Variants in ARSL observed in about 807,000 individuals in gnomAD.
The protein encoded by ARSL is arylsulfatase L.
A neutral mutation model predicts 31.1 loss-of-function variants in ARSL; 4 were observed. The observed-to-expected ratio is 0.13, with a 90% CI of 0.06 to 0.29. The LOEUF (loss-of-function observed/expected upper bound fraction) is 0.29, where lower values mean the gene tolerates loss of function less well. ARSL is among the 10% of genes least tolerant of loss of function. ARSL has a pLI of 1.00. For synonymous variants in ARSL, 198 were observed against 209.9 expected (o/e 0.94, Z 0.49); for missense variants, 312 against 497.8 (o/e 0.63, Z 3.55).
Position 2,943,169 on chromosome X carries a change from C to A in ARSL, c.1022G>T (p.Gly341Val), listed in dbSNP as rs2089304436. 8.3e-7 allele frequency: 1 copy of A among 1,211,033 alleles called. No individual in the cohort carries two copies. Among genetic ancestry groups the A allele is most frequent in the Middle Eastern group, 2.5e-4 (1 of 4,040 alleles). Residue 341 changes from glycine to valine, a missense_variant, in exon 8 of 11, where the codon GGT becomes GTT. By Grantham distance (109) the Gly-to-Val change is moderately radical. Coordinates refer to ENST00000381134, the MANE Select transcript of ARSL (RefSeq NM_000047.3). ...GRILDTLDVE[G>V]LSNSTLIYFT... ...ATAAATGAGGGTGCTGTTGCTCAAACCCTCCACGTCCAAAGTGTCAAGGAT... is the reference window on the plus strand; with the variant it reads ...ATAAATGAGGGTGCTGTTGCTCAAAACCTCCACGTCCAAAGTGTCAAGGAT...
intron 1 of ARSL, 53 bp downstream of exon 1, chrX:2,964,171 A>G: frequency 1.3e-6 from 1 of 753,764 alleles, no homozygotes; most frequent in Non-Finnish European, 1.6e-6. Context: ...CACGCTATTC[A>G]TGCCTGGTCA....
At chrX:2,943,444 A>C (rs2089309797) in intron 7 of ARSL, among the ~76,000 whole-genome samples, 1 of 111,040 alleles carries the variant, frequency 9.0e-6, no homozygotes, top group African/African-American at 3.3e-5. Flanking sequence ...TCAAAAACTT[A>C]AAAGTGCAGC....
In ARSL at chrX:2,949,406, G is replaced by A. The variant is rs368737099; in HGVS notation, c.752C>T (p.Ala251Val). ...SYFVGALIVHADCFLMRNHTI... is the reference protein window; with the variant it reads ...SYFVGALIVHVDCFLMRNHTI... ...GTGGTTTCTCATCAGAAAGCAATCG[G>A]CATGGACAATCAGAGCACCCACAAA... The change falls in exon 6 of 11, where the codon GCC becomes GTC. Residue 251 changes from alanine (A) to valine (V), a missense_variant. By Grantham distance (64) the Ala-to-Val change is moderately conservative (BLOSUM62 0). Coordinates refer to ENST00000381134, the MANE Select transcript of ARSL (RefSeq NM_000047.3). The A allele has an allele frequency of 1.1e-5, 13 of 1,209,009 alleles. No homozygotes were observed. In the African/African-American group the frequency reaches 2.3e-4, roughly 21 times the overall value.
intron 5 of ARSL, among the ~76,000 whole-genome samples, chrX:2,950,200 C>T (rs972489337): frequency 3.6e-5 from 4 of 111,296 alleles, no homozygotes; most frequent in Admixed American, 9.6e-5. Context: ...TGTGTGTCTG[C>T]GACCTAATCT....
chrX:2,958,654 G>C (rs771957001), intron 2 of ARSL, among the ~76,000 whole-genome samples: 18 of 111,582 alleles, frequency 1.6e-4, no homozygotes, highest in Non-Finnish European at 3.0e-4. Context: ...TTTTTTTGAT[G>C]CTGTAAAGTC....
At chrX:2,961,418 T>C (rs1359243941) in intron 1 of ARSL, among the ~76,000 whole-genome samples, 1 of 111,634 alleles carries the variant, frequency 9.0e-6, no homozygotes, top group Non-Finnish European at 1.9e-5. Flanking sequence ...CCCAAATTCC[T>C]ATCTAAGGGG....
intron 8 of ARSL, among the ~76,000 whole-genome samples, chrX:2,941,975 A>C (rs1224532758): frequency 1.8e-5 from 2 of 112,713 alleles, no homozygotes; most frequent in Admixed American, 1.9e-4. Context: ...GCCACGTCTC[A>C]CTAACACAGG....
upstream of ARSL, chrX:2,968,137 A>G: frequency 8.7e-7 from 1 of 1,155,335 alleles, no homozygotes; most frequent in Non-Finnish European, 1.1e-6. Context: ...AAGCCCCAGG[A>G]AGGCCAGTTA....
At position 2,949,621 on chromosome X, in the gene ARSL, A is replaced by C. The variant is rs1454181239; in HGVS notation, c.537T>G (p.Gly179=). The C allele has an allele frequency of 9.1e-6, 11 of 1,211,441 alleles. No individual in the cohort carries two copies. Among genetic ancestry groups the C allele is most frequent in the Non-Finnish European group, 1.2e-5 (11 of 895,492 alleles). ...CTGAGAGTTCCCAGCGGGCGCAATC[A>C]CCCATCAAGGAGAAAGGCATTCCGT... is the stretch of plus-strand genomic sequence containing the variant. ...HFYGMPFSLM[G]DCARWELSEK... is the part of the protein sequence containing the mutation. The change falls in exon 6 of 11, where the codon GGT becomes GGG. Residue 179 remains glycine, a synonymous_variant. Coordinates refer to ENST00000381134, the MANE Select transcript of ARSL (RefSeq NM_000047.3).
intron 1 of ARSL, among the ~76,000 whole-genome samples, chrX:2,961,348 G>A (rs1482001932): frequency 9.0e-6 from 1 of 111,128 alleles, no homozygotes; most frequent in Non-Finnish European, 1.9e-5. Context: ...GCAGTGGTCT[G>A]ACCCCATGTG....
chrX:2,959,967 G>GAGAA (rs767585848), intron 2 of ARSL: 2 of 206,253 alleles, frequency 9.7e-6, no homozygotes, highest in South Asian at 2.2e-4. Flanking sequence ...AAGAAAGAAA[G>GAGAA]AGAAAGAAAG....
rs142375403 is a variant in ARSL, at chrX:2,934,908, A to C, written c.1694T>G (p.Ile565Ser). 1.8e-3 allele frequency: 2,208 copies of C among 1,202,578 alleles called. 3 individuals carry two copies. Among genetic ancestry groups the C allele is most frequent in the South Asian group, 3.4e-3 (190 of 55,917 alleles). Reference protein sequence around the residue: ...VPLQLDRLGNIWRPWLQPCCG... With the variant: ...VPLQLDRLGNSWRPWLQPCCG... ...GCAGGGCTGCAGCCACGGTCTCCAG[A>C]TGTTGCCCAGCCTGTCCAGCTGCAG... Residue 565 changes from isoleucine to serine, a missense_variant, in exon 11 of 11, where the codon ATC (isoleucine) becomes AGC (serine). Transcript: ENST00000381134.
chrX:2,958,259 T>G lies in ARSL; in HGVS notation c.185+15A>C. On this transcript the variant is annotated intron_variant, in intron 3 of 10. Transcript: ENST00000381134. ...TGCATTGGGGGCACCAGGTGAGTAA[T>G]TCTCTGTCCCTTGCCTCATGGTGTT... is the stretch of plus-strand genomic sequence containing the variant. 2 of 1,211,142 alleles carry G rather than the reference T, an allele frequency of 1.7e-6. No individual in the cohort carries two copies. The highest frequency in any genetic ancestry group is 2.2e-6 in the Non-Finnish European group (2 of 895,167).
intron 9 of ARSL, 97 bp downstream of exon 9, chrX:2,937,998 G>A: frequency 3.5e-6 from 4 of 1,144,957 alleles, no homozygotes; most frequent in Non-Finnish European, 4.8e-6. Flanking sequence ...AACAATTTCA[G>A]GGACGCCTTA....
chrX:2,940,051 A>G (rs1404208588), intron 8 of ARSL, among the ~76,000 whole-genome samples: 1 of 108,552 alleles, frequency 9.2e-6, no homozygotes, highest in Non-Finnish European at 1.9e-5. Context: ...TATTTTTAGT[A>G]GAGATGAGGT....
At chrX:2,937,428 G>C (rs1456948357) in intron 9 of ARSL, among the ~76,000 whole-genome samples, 1 of 110,185 alleles carries the variant, frequency 9.1e-6, no homozygotes, top group Non-Finnish European at 1.9e-5. Context: ...AGCTGAAAGA[G>C]CCAGCACCCA....
At chrX:2,960,086 G>A (rs1168797966) in intron 2 of ARSL, among the ~76,000 whole-genome samples, 13 of 101,727 alleles carry the variant, frequency 1.3e-4, no homozygotes, top group Non-Finnish European at 1.8e-4. Flanking sequence ...TGGCTAACAC[G>A]GTGAAACCCC....
intron 8 of ARSL, among the ~76,000 whole-genome samples, chrX:2,942,572 A>G (rs2089295889): frequency 9.0e-6 from 1 of 111,429 alleles, no homozygotes; most frequent in Non-Finnish European, 1.9e-5. Flanking sequence ...GATTACAGGC[A>G]TGAACCACCG....
chrX:2,960,937 G>C (rs1325539645), intron 1 of ARSL, among the ~76,000 whole-genome samples: 1 of 111,253 alleles, frequency 9.0e-6, no homozygotes, highest in East Asian at 2.8e-4. Flanking sequence ...TACAATGAGA[G>C]GCTGCGCGTG....
Sources: allele counts gnomAD v4.1 joint callset (sites outside exome capture counted in the v4.1 genomes callset), GRCh38; gene constraint gnomAD v4.1.1; transcripts MANE v1.5; gene names NCBI Gene and HGNC (gene_info 2026-07-23, HGNC 2026-07-21).